FARP1: variants seen among roughly 807,000 people sequenced by gnomAD.
FARP1 encodes the protein FERM, ARHGEF and pleckstrin domain-containing protein 1.
Under a neutral mutation model 128.8 loss-of-function variants are expected in FARP1, and 52 were observed. The ratio of observed to expected loss-of-function variants is 0.40; its 90% CI spans 0.32 to 0.51. The LOEUF is 0.51. Among genes scored for constraint, FARP1 ranks in the 20% least tolerant of loss-of-function variants. The pLI, the probability that FARP1 is intolerant of heterozygous loss-of-function variation, is 0.45. For missense variants in FARP1, 1,333 were observed against 1,367.9 expected (o/e 0.97, Z 0.40); for synonymous variants, 580 against 551.8 (o/e 1.05, Z -0.72).
intron 2 of FARP1, among the ~76,000 whole-genome samples, chr13:98,306,162 A>G (rs1222098521): frequency 2.6e-5 from 4 of 152,228 alleles, no homozygotes; most frequent in East Asian, 1.9e-4. Flanking sequence ...ACAGTTAACT[A>G]TGTTCTAATA....
rs1236592674 is a variant in FARP1, at chr13:98,452,225, G to A, written c.*3908G>A. 6.6e-6 allele frequency: 1 copy of A among 152,202 alleles called. No individual in the cohort carries two copies. Among genetic ancestry groups the A allele is most frequent in the Non-Finnish European group, 1.5e-5 (1 of 68,046 alleles). 9.4% of individuals were successfully genotyped at this position (152,202 alleles called of 1,614,324 possible). ...TTTTAGGTGGGAAAGATGATATGCAGAATCCACTACAAGGTGCAACAGAAA... is the reference window on the plus strand; with the variant it reads ...TTTTAGGTGGGAAAGATGATATGCAAAATCCACTACAAGGTGCAACAGAAA... On this transcript the variant is annotated 3_prime_UTR_variant, in exon 27 of 27. Coordinates refer to ENST00000319562, the MANE Select transcript of FARP1 (RefSeq NM_005766.4).
At chr13:98,303,383 A>G (rs1278503572) in intron 2 of FARP1, among the ~76,000 whole-genome samples, 1 of 152,258 alleles carries the variant, frequency 6.6e-6, no homozygotes, top group Non-Finnish European at 1.5e-5. Context: ...GTTGAATTTT[A>G]TAGCATGTAC....
intron 1 of FARP1, among the ~76,000 whole-genome samples, chr13:98,171,291 A>G (rs1167756189): frequency 6.6e-6 from 1 of 152,196 alleles, no homozygotes; most frequent in Non-Finnish European, 1.5e-5. Context: ...GGGTTTGGGT[A>G]GGTGGGAGAG....
At chr13:98,260,623 A>G (rs1883832222) in intron 2 of FARP1, among the ~76,000 whole-genome samples, 2 of 151,952 alleles carry the variant, frequency 1.3e-5, no homozygotes, top group South Asian at 2.1e-4. Flanking sequence ...CTGCCCACAC[A>G]CTCTTCACTC....
chr13:98,195,822 C>T (rs1248470118), intron 1 of FARP1, among the ~76,000 whole-genome samples: 3 of 152,046 alleles, frequency 2.0e-5, no homozygotes, highest in South Asian at 2.1e-4. Context: ...CCCAGAAGTT[C>T]GAGACCAGCC....
chr13:98,447,372 G>C (rs1437642887), intron 26 of FARP1: 5 of 152,538 alleles, frequency 3.3e-5, no homozygotes, highest in Admixed American at 1.3e-4. Flanking sequence ...ACCTAGAGGA[G>C]AGCCATTCTC....
chr13:98,397,773 G>C (rs1373419052), intron 13 of FARP1: 1 of 152,026 alleles, frequency 6.6e-6, no homozygotes, highest in Non-Finnish European at 1.5e-5. Flanking sequence ...CTCGAATCTA[G>C]TGGAATACAG....
chr13:98,434,903 A>T (rs1264683379), intron 18 of FARP1: 1 of 152,308 alleles, frequency 6.6e-6, no homozygotes, highest in Non-Finnish European at 1.5e-5. Context: ...CTGAGGCAGG[A>T]CAATCACTTG....
At chr13:98,383,718 A>G (rs770486397) in intron 6 of FARP1, 3 of 152,324 alleles carry the variant, frequency 2.0e-5, no homozygotes, top group Non-Finnish European at 4.4e-5. Flanking sequence ...ATTGGTGTAC[A>G]TTGACCTTGA....
chr13:98,224,546 GAA>G (rs11450140), intron 2 of FARP1, among the ~76,000 whole-genome samples: 1 of 104,992 alleles, frequency 9.5e-6, no homozygotes, highest in African/African-American at 4.1e-5. Flanking sequence ...AAAAAAAAAA[GAA>G]AAAAAAAAAG....
intron 3 of FARP1, among the ~76,000 whole-genome samples, chr13:98,346,658 T>C (rs1405542624): frequency 6.6e-6 from 1 of 152,006 alleles, no homozygotes; most frequent in East Asian, 2.0e-4. Context: ...GGCAGGAGAA[T>C]TGTCTGGACC....
At chr13:98,415,517 C>T (rs1223221833) in intron 16 of FARP1, among the ~76,000 whole-genome samples, 1 of 152,232 alleles carries the variant, frequency 6.6e-6, no homozygotes, top group African/African-American at 2.4e-5. Flanking sequence ...GACTTGCACT[C>T]TCAAAGGAGG....
chr13:98,327,230 A>G (rs1361678053), intron 2 of FARP1, among the ~76,000 whole-genome samples: 1 of 152,144 alleles, frequency 6.6e-6, no homozygotes, highest in Admixed American at 6.5e-5. Flanking sequence ...TACGGCTTTT[A>G]TGTCAGTGCT....
At chr13:98,243,207 C>T (rs1194403164) in intron 2 of FARP1, among the ~76,000 whole-genome samples, 1 of 152,104 alleles carries the variant, frequency 6.6e-6, no homozygotes, top group African/African-American at 2.4e-5. Flanking sequence ...GATGTTGATT[C>T]CCAAACTAAG....
At chr13:98,265,570 T>C (rs59328481) in intron 2 of FARP1, among the ~76,000 whole-genome samples, 65,469 of 150,680 alleles carry the variant, frequency 0.43, 14,938 homozygotes, top group South Asian at 0.58. Context: ...CCGCCCGCCT[T>C]GGCCTCCCAA....
intron 1 of FARP1, among the ~76,000 whole-genome samples, chr13:98,187,299 A>G (rs1878942700): frequency 6.6e-6 from 1 of 152,102 alleles, no homozygotes; most frequent in Non-Finnish European, 1.5e-5. Flanking sequence ...CATATCTCAT[A>G]TTTGAATGTT....
intron 2 of FARP1, among the ~76,000 whole-genome samples, chr13:98,330,968 G>A (rs761670082): frequency 4.6e-5 from 7 of 152,254 alleles, no homozygotes; most frequent in Non-Finnish European, 2.9e-5. Context: ...TTTCCAGAGT[G>A]CCCTTGGAAT....
chr13:98,208,601 AC>A (rs1880457220), intron 1 of FARP1: 1 of 152,900 alleles, frequency 6.5e-6, no homozygotes, highest in African/African-American at 2.4e-5. Flanking sequence ...ATGTTACCAG[AC>A]GACATAAGGA....
chr13:98,230,794 G>A (rs557606350), intron 2 of FARP1, among the ~76,000 whole-genome samples: 3 of 152,318 alleles, frequency 2.0e-5, no homozygotes, highest in African/African-American at 7.2e-5. Context: ...TTGTCAGTAA[G>A]CCATGCAGTT....
Sources: gnomAD v4.1 joint callset for allele counts (sites outside exome capture counted in the v4.1 genomes callset) on GRCh38, gnomAD v4.1.1 for gene constraint, MANE v1.5 for transcripts, NCBI Gene and HGNC (gene_info 2026-07-23, HGNC 2026-07-21) for gene names.